The following NSD2 variants were observed in gnomAD, a reference collection of about 807,000 sequenced individuals.
The protein encoded by NSD2 is nuclear receptor binding SET domain protein 2.
In NSD2, 12 loss-of-function variants were observed where a neutral mutation model predicts 139.0. The observed-to-expected ratio is 0.09, with a 90% confidence interval of 0.06 to 0.14. The LOEUF (loss-of-function observed/expected upper bound fraction) is 0.14, where lower values mean the gene tolerates loss of function less well. NSD2 is among the 10% of genes least tolerant of loss of function. The probability of loss-of-function intolerance (pLI) is 1.00; values close to 1 mark genes in which losing one functional copy is unlikely to be tolerated. For synonymous variants in NSD2, 669 were observed against 648.7 expected (o/e 1.03, Z -0.48); for missense variants, 1,155 against 1,745.0 (o/e 0.66, Z 6.02).
intron 1 of NSD2, among the ~76,000 whole-genome samples, chr4:1,872,637 C>CGAGCGAGAGCGCGAGA (rs1375337847): frequency 1.2e-5 from 1 of 81,746 alleles, no homozygotes; most frequent in African/African-American, 4.3e-5. Flanking sequence ...AGAGAGAGAG[C>CGAGCGAGAGCGCGAGA]GCGCAGACCC....
At chr4:1,940,459 T>G (rs1382150672) in intron 9 of NSD2, 1 of 1,063,298 alleles carries the variant, frequency 9.4e-7, no homozygotes, top group African/African-American at 1.6e-5. Context: ...ACCTAAATTT[T>G]TTGCCGTTGC....
intron 3 of NSD2, among the ~76,000 whole-genome samples, chr4:1,906,653 TC>T (rs1717941261): frequency 1.4e-5 from 2 of 138,132 alleles, no homozygotes; most frequent in African/African-American, 2.7e-5. Flanking sequence ...TCTCTCTCTC[TC>T]TTTTTTTTTT....
At chr4:1,911,602 AAAAAAG>A (rs1718691914) in intron 3 of NSD2, among the ~76,000 whole-genome samples, 5 of 147,838 alleles carry the variant, frequency 3.4e-5, no homozygotes, top group Non-Finnish European at 7.4e-5. Context: ...AAAAAAAAAA[AAAAAAG>A]AAAAAAAAAA....
intron 7 of NSD2, among the ~76,000 whole-genome samples, chr4:1,938,222 T>A (rs1182972056): frequency 6.6e-6 from 1 of 152,062 alleles, no homozygotes; most frequent in Admixed American, 6.6e-5. Flanking sequence ...TCAGTCCAGA[T>A]TGTGAAAAAA....
In NSD2 at chr4:1,953,491, G is replaced by A. The variant is rs991357362; in HGVS notation, c.2305G>A (p.Ala769Thr). ...CCTCCACAGCTGTGTGAGCTGCCAT[G>A]CTTCCAACCCTTCAAACCCAAGGCC... ...CPLHSCVSCH[A>T]SNPSNPRPSK... The change falls in exon 12 of 22, where the codon GCT (alanine) becomes ACT (threonine). Residue 769 changes from alanine (A) to threonine (T), a missense_variant. Coordinates refer to ENST00000508803, the MANE Select transcript of NSD2 (RefSeq NM_001042424.3). 1.9e-6 allele frequency: 3 copies of A among 1,613,408 alleles called. No individual in the cohort carries two copies. In the African/African-American group the frequency reaches 4.0e-5, roughly 22 times the overall value.
intron 1 of NSD2, among the ~76,000 whole-genome samples, chr4:1,891,357 C>T (rs967627974): frequency 1.3e-5 from 2 of 152,174 alleles, no homozygotes; most frequent in African/African-American, 4.8e-5. Context: ...TCAGTCTTTT[C>T]CGCCCCCGGA....
intron 5 of NSD2, chr4:1,919,138 CT>C (rs1719795500): frequency 6.9e-6 from 1 of 144,398 alleles, no homozygotes; most frequent in African/African-American, 2.6e-5. Context: ...GCACCGTAGC[CT>C]GGGTGACAGC....
At chr4:1,950,417 T>C (rs1193607952) in intron 9 of NSD2, among the ~76,000 whole-genome samples, 1 of 152,180 alleles carries the variant, frequency 6.6e-6, no homozygotes, top group Non-Finnish European at 1.5e-5. Context: ...TTTGCCCACC[T>C]CACTTCTCTG....
intron 9 of NSD2, chr4:1,945,410 G>A: frequency 9.4e-7 from 1 of 1,064,754 alleles, no homozygotes; most frequent in Non-Finnish European, 1.1e-6. Flanking sequence ...CCAGAGGTGT[G>A]TGTGAGGCTG....
chr4:1,951,611 G>A (rs1309991174), intron 10 of NSD2, among the ~76,000 whole-genome samples: 4 of 152,254 alleles, frequency 2.6e-5, no homozygotes, highest in Non-Finnish European at 2.9e-5. Flanking sequence ...TGTGGGCTGA[G>A]GGGGCCATCA....
intron 3 of NSD2, among the ~76,000 whole-genome samples, chr4:1,916,439 AGGCTCACGC>A (rs1393003185): frequency 6.6e-6 from 1 of 152,030 alleles, no homozygotes. Flanking sequence ...TGTGCCTCCC[AGGCTCACGC>A]CATCCTCTCA....
intron 1 of NSD2, among the ~76,000 whole-genome samples, chr4:1,872,589 TGTGAGAGAGA>T (rs1158463560): frequency 2.1e-3 from 95 of 44,416 alleles, no homozygotes; most frequent in African/African-American, 4.1e-3. Flanking sequence ...TGTGTGTGTG[TGTGAGAGAGA>T]GAGAGAGAGA....
intron 8 of NSD2, 97 bp downstream of exon 8, chr4:1,938,629 T>G (rs1577495004): frequency 9.5e-7 from 1 of 1,048,896 alleles, no homozygotes; most frequent in Admixed American, 2.1e-5. Context: ...CTGGGGCTGG[T>G]GAAGGGGAAC....
chr4:1,921,303 TA>T (rs1720083745), intron 5 of NSD2, among the ~76,000 whole-genome samples: 1 of 145,054 alleles, frequency 6.9e-6, no homozygotes, highest in African/African-American at 2.6e-5. Context: ...ACCAAAATTA[TA>T]AAAAATAAGC....
Position 1,871,446 on chromosome 4 carries a change from G to GCCCCCT in NSD2, c.-121_-116dup, listed in dbSNP as rs1166364258. The GCCCCCT allele has an allele frequency of 2.1e-5, 3 of 146,196 alleles. No individual in the cohort carries two copies. Among genetic ancestry groups the GCCCCCT allele is most frequent in the South Asian group, 2.0e-4 (1 of 4,956 alleles). The allele number at this position is 146,196 out of a possible 1,614,324, so 9.1% of individuals were successfully genotyped here. On this transcript the variant is annotated 5_prime_UTR_variant, in exon 1 of 22. Coordinates refer to ENST00000508803, the MANE Select transcript of NSD2 (RefSeq NM_001042424.3). ...CCGCGCTGCGCCCGCCGCCGCCGCC[G>GCCCCCT]CCCCCTCCCCGCCTGGGCCCTACCG...
At chr4:1,911,269 TG>T (rs1202664904) in intron 3 of NSD2, among the ~76,000 whole-genome samples, 1 of 151,954 alleles carries the variant, frequency 6.6e-6, no homozygotes, top group Non-Finnish European at 1.5e-5. Flanking sequence ...TTTATACAGA[TG>T]GTGATTAATG....
chr4:1,879,421 G>A (rs1041236423), intron 1 of NSD2, among the ~76,000 whole-genome samples: 89 of 151,954 alleles, frequency 5.9e-4, no homozygotes, highest in African/African-American at 2.0e-3. Flanking sequence ...GGGTTTCACC[G>A]TGTTAGCCAG....
chr4:1,873,831 C>T (rs540880349), intron 1 of NSD2, among the ~76,000 whole-genome samples: 15 of 152,250 alleles, frequency 9.9e-5, no homozygotes, highest in South Asian at 2.1e-4. Context: ...GTTCATAATC[C>T]AAACGTATTT....
intron 5 of NSD2, among the ~76,000 whole-genome samples, chr4:1,920,258 T>TG (rs986292678): frequency 3.3e-5 from 5 of 152,098 alleles, no homozygotes; most frequent in Non-Finnish European, 7.4e-5. Context: ...GAGGCTAGTC[T>TG]GGCCTACATG....
Sources: allele counts gnomAD v4.1 joint callset (sites outside exome capture counted in the v4.1 genomes callset), GRCh38; gene constraint gnomAD v4.1.1; transcripts MANE v1.5; gene names NCBI Gene and HGNC (gene_info 2026-07-23, HGNC 2026-07-21).